The following ZFHX4 variants were observed in gnomAD, a reference collection of about 807,000 sequenced individuals.
ZFHX4 encodes the protein zinc finger homeobox 4.
A neutral mutation model predicts 267.6 loss-of-function variants in ZFHX4; 56 were observed. The ratio of observed to expected loss-of-function variants is 0.21; its 90% confidence interval spans 0.17 to 0.26. The LOEUF (loss-of-function observed/expected upper bound fraction) is 0.26. ZFHX4 is among the 10% of genes least tolerant of loss of function. The pLI is 1.00. For synonymous variants in ZFHX4, 1,778 were observed against 1,665.6 expected, an observed-to-expected ratio of 1.07 and a Z score of -1.64; for missense variants, 4,332 against 4,420.0, an observed-to-expected ratio of 0.98 and a Z score of 0.56.
At chr8:76,795,873 A>G (rs911042958) in intron 4 of ZFHX4, among the ~76,000 whole-genome samples, 7 of 152,098 alleles carry the variant, frequency 4.6e-5, no homozygotes, top group Admixed American at 4.6e-4. Flanking sequence ...TTGAAGGCTT[A>G]TTGTTCAATT....
Position 76,706,043 on chromosome 8 carries a change from A to G in ZFHX4, c.1955A>G (p.His652Arg). The G allele has an allele frequency of 1.2e-6, 2 of 1,613,682 alleles. No homozygotes were observed. Among genetic ancestry groups the G allele is most frequent in the Non-Finnish European group, 1.7e-6 (2 of 1,179,834 alleles). Reference protein sequence around the residue: ...KTLKCPKCNWHYKYQQTLEAH... With the variant: ...KTLKCPKCNWRYKYQQTLEAH... The stretch of plus-strand genomic sequence containing the variant: ...CTCAAATGTCCTAAATGTAACTGGC[A>G]CTACAAATATCAGCAGACCCTGGAG... The change falls in exon 2 of 11, where the codon CAC (histidine) becomes CGC (arginine). Residue 652 changes from histidine to arginine, a missense_variant. Transcript: ENST00000651372.
rs969571748 is a variant in ZFHX4 at position 76,856,114 on chromosome 8, G to C, written c.9193G>C (p.Asp3065His). ...GCAGCTGATGGCACAGCAAGAACTT[G>C]ATCGTATAAAGAAAGCTTCAGACGT... ...VRQLMAQQELDRIKKASDVLG... is the reference protein window; with the variant it reads ...VRQLMAQQELHRIKKASDVLG... Residue 3065 changes from aspartate to histidine, a missense_variant, in exon 10 of 11, where the codon GAT becomes CAT. Coordinates refer to ENST00000651372, the MANE Select transcript of ZFHX4 (RefSeq NM_024721.5). 1 of 1,613,962 alleles carries C rather than the reference G, an allele frequency of 6.2e-7. No homozygotes were observed. The highest frequency in any genetic ancestry group is 8.5e-7 in the Non-Finnish European group (1 of 1,179,870).
At chr8:76,848,762 G>T (rs893605126) in intron 6 of ZFHX4, among the ~76,000 whole-genome samples, 4 of 152,042 alleles carry the variant, frequency 2.6e-5, no homozygotes, top group South Asian at 4.2e-4. Context: ...GCCACCTAGG[G>T]TTATCTAAAC....
Position 76,864,171 on chromosome 8 carries a change from A to G in ZFHX4, c.10457A>G (p.His3486Arg), listed in dbSNP as rs779941052. The G allele has an allele frequency of 3.1e-6, 5 of 1,613,964 alleles. No homozygotes were observed. In the Admixed American group the frequency reaches 6.7e-5, roughly 22 times the overall value. The change falls in exon 11 of 11, where the codon CAT (histidine) becomes CGT (arginine). Residue 3486 changes from histidine to arginine, a missense_variant. Physicochemically the swap from His to Arg is conservative, Grantham distance 29 (BLOSUM62 0). Transcript: ENST00000651372. ...CAAGCAATGAGAAATGCCAAAGAGC[A>G]TGTTAGATTATTACCTCACTCAGTC... ...IKQAMRNAKE[H>R]VRLLPHSVCS...
At chr8:76,792,416 G>T (rs550791807) in intron 4 of ZFHX4, among the ~76,000 whole-genome samples, 55 of 152,116 alleles carry the variant, frequency 3.6e-4, no homozygotes, top group Non-Finnish European at 5.7e-4. Flanking sequence ...CAAGATTTGT[G>T]CCTCAAGGAG....
At chr8:76,776,966 G>A (rs998461867) in intron 3 of ZFHX4, among the ~76,000 whole-genome samples, 2 of 152,106 alleles carry the variant, frequency 1.3e-5, no homozygotes, top group South Asian at 4.1e-4. Flanking sequence ...GTTTGATCCT[G>A]TATATAAAGG....
chr8:76,795,054 CT>C (rs990222186), intron 4 of ZFHX4, among the ~76,000 whole-genome samples: 2 of 152,056 alleles, frequency 1.3e-5, no homozygotes, highest in African/African-American at 4.8e-5. Flanking sequence ...TATAAGCAGC[CT>C]TTTCAAGTCC....
In ZFHX4 at chr8:76,725,712, G is replaced by A. The variant is rs200522344; in HGVS notation, c.3093+17664G>A. ...TACTGATCAATGCGCAAACATCAGT[G>A]TACTGTAAACCTTTTGAGGTTTTGT... is the stretch of plus-strand genomic sequence containing the variant. On this transcript the variant is annotated intron_variant, in intron 3 of 10. Coordinates refer to ENST00000651372, the MANE Select transcript of ZFHX4 (RefSeq NM_024721.5). Among the ~76,000 whole-genome samples the A allele has an allele frequency of 2.0e-5, 3 of 152,228 alleles. No homozygotes were observed. In the East Asian group the frequency reaches 5.8e-4, roughly 29 times the overall value.
At chr8:76,841,239 T>TC (rs1178193570) in intron 5 of ZFHX4, among the ~76,000 whole-genome samples, 1 of 152,160 alleles carries the variant, frequency 6.6e-6, no homozygotes, top group East Asian at 1.9e-4. Flanking sequence ...CCCAGAACTG[T>TC]CCCCTTCTGT....
chr8:76,698,519 G>A (rs1269398903), intron 1 of ZFHX4, among the ~76,000 whole-genome samples: 1 of 152,072 alleles, frequency 6.6e-6, no homozygotes. Context: ...GTTATATACA[G>A]TCTATGCAGA....
intron 4 of ZFHX4, among the ~76,000 whole-genome samples, chr8:76,819,316 T>G (rs191005038): frequency 2.0e-3 from 311 of 152,272 alleles, no homozygotes; most frequent in African/African-American, 7.1e-3. Context: ...AAATATTTCA[T>G]GGAATGTGGA....
At chr8:76,808,496 T>A (rs1162456185) in intron 4 of ZFHX4, among the ~76,000 whole-genome samples, 1 of 152,190 alleles carries the variant, frequency 6.6e-6, no homozygotes, top group African/African-American at 2.4e-5. Context: ...CTGATGACGC[T>A]AACGAATCCC....
chr8:76,683,834 C>A (rs1209176304), intron 1 of ZFHX4: 1 of 151,542 alleles, frequency 6.6e-6, no homozygotes, highest in East Asian at 1.9e-4. Context: ...AGAGAGGCTG[C>A]GGCTGCCGCT....
chr8:76,798,794 C>T (rs959544863), intron 4 of ZFHX4, among the ~76,000 whole-genome samples: 1 of 152,056 alleles, frequency 6.6e-6, no homozygotes, highest in African/African-American at 2.4e-5. Context: ...TTATTTTGAC[C>T]ACATTTGATT....
At chr8:76,753,409 A>G (rs1383630982) in intron 3 of ZFHX4, among the ~76,000 whole-genome samples, 1 of 152,122 alleles carries the variant, frequency 6.6e-6, no homozygotes, top group African/African-American at 2.4e-5. Flanking sequence ...AAATATATTT[A>G]TATTGCATAA....
At chr8:76,755,806 A>G (rs768145343) in intron 3 of ZFHX4, among the ~76,000 whole-genome samples, 1 of 152,124 alleles carries the variant, frequency 6.6e-6, no homozygotes, top group Non-Finnish European at 1.5e-5. Context: ...GTTGCCTTCT[A>G]GATAGTCTAG....
At chr8:76,736,302 T>C (rs1383424165) in intron 3 of ZFHX4, among the ~76,000 whole-genome samples, 1 of 152,068 alleles carries the variant, frequency 6.6e-6, no homozygotes, top group African/African-American at 2.4e-5. Flanking sequence ...TAAACTTGTG[T>C]TTTGAATTTA....
At chr8:76,845,065 C>A (rs1338401942) in intron 6 of ZFHX4, among the ~76,000 whole-genome samples, 1 of 152,024 alleles carries the variant, frequency 6.6e-6, no homozygotes, top group Non-Finnish European at 1.5e-5. Context: ...AGTAGTTTGA[C>A]CCAACTTTAA....
chr8:76,768,757 C>T (rs1810176530), intron 3 of ZFHX4, among the ~76,000 whole-genome samples: 1 of 152,014 alleles, frequency 6.6e-6, no homozygotes, highest in South Asian at 2.1e-4. Flanking sequence ...AGAGAAAGGT[C>T]ATTGTTAGGA....
Sources: gnomAD v4.1 joint callset for allele counts (sites outside exome capture counted in the v4.1 genomes callset) on GRCh38, gnomAD v4.1.1 for gene constraint, MANE v1.5 for transcripts, NCBI Gene and HGNC (gene_info 2026-07-23, HGNC 2026-07-21) for gene names.